The following EXOC2 variants were observed in gnomAD, a reference collection of about 807,000 sequenced individuals.
EXOC2 encodes the protein exocyst complex component 2.
Under a neutral mutation model 131.8 loss-of-function variants are expected in EXOC2, and 70 were observed. The observed-to-expected ratio is 0.53, with a 90% CI of 0.44 to 0.65. EXOC2 has a LOEUF of 0.65. Ranked by LOEUF, EXOC2 falls within the 30% of genes least tolerant of loss-of-function variation. The probability of loss-of-function intolerance (pLI) is 0.00; values close to 1 mark genes in which losing one functional copy is unlikely to be tolerated. For synonymous variants in EXOC2, 411 were observed against 398.4 expected, an observed-to-expected ratio of 1.03 and a Z score of -0.38; for missense variants, 923 against 1,108.6, an observed-to-expected ratio of 0.83 and a Z score of 2.38.
intron 23 of EXOC2, among the ~76,000 whole-genome samples, chr6:500,016 G>C (rs898788044): frequency 5.3e-5 from 8 of 152,010 alleles, no homozygotes; most frequent in South Asian, 2.1e-4. Context: ...CACACACACA[G>C]AGAATATATA....
chr6:653,927 A>C (rs1762942552), intron 1 of EXOC2, among the ~76,000 whole-genome samples: 1 of 152,204 alleles, frequency 6.6e-6, no homozygotes, highest in Non-Finnish European at 1.5e-5. Context: ...CCATTCTGAA[A>C]ATCCTAGGGC....
rs1763043843 is a variant in EXOC2 at position 486,340 on chromosome 6, A to C, written c.*331T>G. On this transcript the variant is annotated 3_prime_UTR_variant, in exon 28 of 28. Transcript: ENST00000230449. ...GAACGGGACACTGAGAAATGCTTCAATATGTGCCACGCCATTCCAGAAAAC... is the reference window on the plus strand; with the variant it reads ...GAACGGGACACTGAGAAATGCTTCACTATGTGCCACGCCATTCCAGAAAAC... The C allele has an allele frequency of 8.8e-6, 2 of 226,964 alleles. No homozygotes were observed. The highest frequency in any genetic ancestry group is 5.5e-5 in the Admixed American group (1 of 18,332). The allele number at this position is 226,964 out of a possible 1,614,324, so 14.1% of individuals were successfully genotyped here.
In EXOC2 at chr6:600,102, G is replaced by C. The variant is rs570260130; in HGVS notation, c.743-877C>G. On this transcript the variant is annotated intron_variant, in intron 7 of 27. Coordinates refer to ENST00000230449, the MANE Select transcript of EXOC2 (RefSeq NM_018303.6). ...TACTTTAAGCAAAGATGAAAAAATT[G>C]CCTCAGTCTCACTGGGTGGCTCGCA... 7.2e-5 allele frequency among the ~76,000 whole-genome samples: 11 copies of C among 152,234 alleles called. No homozygotes were observed. In the South Asian group the frequency reaches 2.3e-3, roughly 32 times the overall value.
At chr6:622,540 C>G (rs1040059226) in intron 4 of EXOC2, among the ~76,000 whole-genome samples, 1 of 152,144 alleles carries the variant, frequency 6.6e-6, no homozygotes, top group African/African-American at 2.4e-5. Context: ...GGATCTGTGA[C>G]ACAATGGTAG....
chr6:589,458 A>G (rs947291399), intron 11 of EXOC2, among the ~76,000 whole-genome samples: 3 of 152,148 alleles, frequency 2.0e-5, no homozygotes, highest in Admixed American at 2.0e-4. Context: ...TTCAACTGAG[A>G]TTTCACCTCC....
chr6:568,115 A>T (rs1219998768), intron 13 of EXOC2, among the ~76,000 whole-genome samples: 1 of 152,232 alleles, frequency 6.6e-6, no homozygotes, highest in African/African-American at 2.4e-5. Context: ...ATTTGGTGTC[A>T]TCTTGGCTGG....
chr6:626,006 G>A (rs1350703659), intron 4 of EXOC2, among the ~76,000 whole-genome samples: 2 of 152,074 alleles, frequency 1.3e-5, no homozygotes, highest in African/African-American at 4.8e-5. Flanking sequence ...CCTAGCAAAG[G>A]TTCTTACTTA....
chr6:574,142 CT>C (rs1197295591), intron 12 of EXOC2, among the ~76,000 whole-genome samples: 1 of 152,200 alleles, frequency 6.6e-6, no homozygotes, highest in Non-Finnish European at 1.5e-5. Context: ...ATGGACAAGA[CT>C]GTCTTCGGTC....
intron 1 of EXOC2, among the ~76,000 whole-genome samples, chr6:649,479 C>G (rs992744137): frequency 2.0e-5 from 3 of 152,086 alleles, no homozygotes; most frequent in African/African-American, 7.2e-5. Context: ...TACACACTTA[C>G]GTACTATCCA....
At chr6:589,941 C>A (rs929504306) in intron 11 of EXOC2, among the ~76,000 whole-genome samples, 3 of 152,138 alleles carry the variant, frequency 2.0e-5, no homozygotes, top group Admixed American at 2.0e-4. Flanking sequence ...GGTGAAACCC[C>A]GTCTCTACTA....
In EXOC2 at chr6:656,506, G is replaced by A. The variant is rs774752902; in HGVS notation, c.-43-18645C>T. The A allele has an allele frequency of 3.7e-6, 6 of 1,605,450 alleles. No homozygotes were observed. The highest frequency in any genetic ancestry group is 5.1e-6 in the Non-Finnish European group (6 of 1,177,852). On this transcript the variant is annotated intron_variant, in intron 1 of 27. Transcript: ENST00000230449. The stretch of plus-strand genomic sequence containing the variant: ...GCGTCGGAGGCGCGCAGGCTGGGCG[G>A]CAGGCAGTCCCGCCACACTCTCCTG...
chr6:511,684 G>A (rs1323204006), intron 23 of EXOC2, among the ~76,000 whole-genome samples: 2 of 152,228 alleles, frequency 1.3e-5, no homozygotes, highest in Admixed American at 1.3e-4. Flanking sequence ...AAGCTGCAAG[G>A]CCAGCTTAGA....
At position 581,577 on chromosome 6, in the gene EXOC2, G is replaced by T. The variant is rs377419862; in HGVS notation, c.1193-4695C>A. On this transcript the variant is annotated intron_variant, in intron 11 of 27. Transcript: ENST00000230449. ...AATTGCAAAATTCTATGTGATATTT[G>T]CAGGAAAAATGATACAAAACAAAAT... Among the ~76,000 whole-genome samples the T allele has an allele frequency of 2.4e-4, 36 of 152,136 alleles. No individual in the cohort carries two copies. In the East Asian group the frequency reaches 6.2e-3, roughly 26 times the overall value.
chr6:495,688 G>A (rs1337850882), intron 25 of EXOC2, among the ~76,000 whole-genome samples: 4 of 152,146 alleles, frequency 2.6e-5, no homozygotes, highest in African/African-American at 4.8e-5. Context: ...CATTCTTGCC[G>A]ACGTCTACTA....
chr6:650,623 C>A (rs901487842), intron 1 of EXOC2, among the ~76,000 whole-genome samples: 2 of 152,162 alleles, frequency 1.3e-5, no homozygotes, highest in African/African-American at 4.8e-5. Flanking sequence ...AATAAATTAT[C>A]TTTTCCATTT....
chr6:671,861 A>C (rs1415975287), intron 1 of EXOC2, among the ~76,000 whole-genome samples: 1 of 151,900 alleles, frequency 6.6e-6, no homozygotes, highest in Non-Finnish European at 1.5e-5. Flanking sequence ...AGTATTTTTT[A>C]TATTTTTCTA....
At chr6:501,202 T>TATCTATCTATATATA (rs1422418986) in intron 23 of EXOC2, among the ~76,000 whole-genome samples, 1 of 9,050 alleles carries the variant, frequency 1.1e-4, no homozygotes, top group African/African-American at 2.6e-4. Context: ...TCTATATATA[T>TATCTATCTATATATA]TATATATATA....
rs12154040 is a variant in EXOC2, at chr6:572,714, C to A, written c.1319-70G>T. 5 of 1,549,012 alleles carry A rather than the reference C, an allele frequency of 3.2e-6. No homozygotes were observed. In the African/African-American group the frequency reaches 4.1e-5, roughly 13 times the overall value. On this transcript the variant is annotated intron_variant, in intron 12 of 27. Transcript: ENST00000230449. ...AAGAAAACACCTTTGAGCATATTGG[C>A]GCACCCCCCTCCACTCCCGCAAAAC...
intron 23 of EXOC2, among the ~76,000 whole-genome samples, chr6:527,077 A>G (rs1467097460): frequency 6.6e-6 from 1 of 152,270 alleles, no homozygotes; most frequent in Non-Finnish European, 1.5e-5. Context: ...TATAAGGAAT[A>G]TATGTATAAA....
Sources: gnomAD v4.1 joint callset for allele counts (sites outside exome capture counted in the v4.1 genomes callset) on GRCh38, gnomAD v4.1.1 for gene constraint, MANE v1.5 for transcripts, NCBI Gene and HGNC (gene_info 2026-07-23, HGNC 2026-07-21) for gene names.